The following SPRED2 variants were observed in gnomAD, a reference collection of about 807,000 sequenced individuals.
SPRED2 encodes sprouty related EVH1 domain containing 2, also known as sprouty-related, EVH1 domain-containing protein 2.
SPRED2 carries 47 observed loss-of-function variants against 43.0 expected under a neutral mutation model. That is an observed-to-expected ratio of 1.09 (90% CI 0.87 to 1.40). The LOEUF (loss-of-function observed/expected upper bound fraction) is 1.40. Among genes scored for constraint, SPRED2 ranks in the 40% most tolerant of loss-of-function variants. The pLI is 0.00. For missense variants in SPRED2, 561 were observed against 586.4 expected (o/e 0.96, Z 0.45); for synonymous variants, 225 against 225.7 (o/e 1.00, Z 0.03).
chr2:65,334,956 T>G (rs1021858779), intron 2 of SPRED2, among the ~76,000 whole-genome samples, 183 bp from the exon 3 acceptor site: 4 of 152,228 alleles, frequency 2.6e-5, no homozygotes, highest in Non-Finnish European at 5.9e-5. Flanking sequence ...GACCATCCGA[T>G]CTTCGCTGCT....
chr2:65,330,536 CCT>C (rs1673779060), intron 4 of SPRED2, among the ~76,000 whole-genome samples: 2 of 151,998 alleles, frequency 1.3e-5, no homozygotes, highest in African/African-American at 2.4e-5. Context: ...AGAGATTTCC[CCT>C]GTCCCCACAC....
chr2:65,334,038 GC>G, intron 3 of SPRED2: 1 of 341,284 alleles, frequency 2.9e-6, no homozygotes, highest in Middle Eastern at 9.1e-4. Context: ...CTCTAGTCAA[GC>G]CCACCATGAG....
Position 65,389,723 on chromosome 2 carries a change from A to G in SPRED2, c.26+42239T>C, listed in dbSNP as rs368505188. Among the ~76,000 whole-genome samples the G allele has an allele frequency of 5.1e-4, 77 of 152,340 alleles. No homozygotes were observed. The East Asian group carries it at 0.015, about 29-fold the overall frequency. On this transcript the variant is annotated intron_variant, in intron 1 of 5. Coordinates refer to ENST00000356388, the MANE Select transcript of SPRED2 (RefSeq NM_181784.3). ...CTCAGAAATTCTGACAAGTTCAGAC[A>G]ATAACTAAAGGTATTTCTTTTTGAT... is the stretch of plus-strand genomic sequence containing the variant.
intron 1 of SPRED2, among the ~76,000 whole-genome samples, chr2:65,357,863 G>A (rs1206983105): frequency 6.6e-6 from 1 of 152,154 alleles, no homozygotes; most frequent in Non-Finnish European, 1.5e-5. Flanking sequence ...TCACAACCGG[G>A]TGAGGCACCC....
intron 1 of SPRED2, among the ~76,000 whole-genome samples, chr2:65,354,522 T>C (rs956668580): frequency 3.3e-5 from 5 of 152,064 alleles, no homozygotes; most frequent in African/African-American, 1.2e-4. Context: ...AAAGAGTGAT[T>C]TGGCTAGATT....
At chr2:65,327,709 C>CTGTCT (rs1553416558) in intron 4 of SPRED2, among the ~76,000 whole-genome samples, 1 of 115,454 alleles carries the variant, frequency 8.7e-6, no homozygotes, top group Non-Finnish European at 1.8e-5. Context: ...TCTTTTCTTT[C>CTGTCT]TTTCTTTTTT....
intron 2 of SPRED2, among the ~76,000 whole-genome samples, chr2:65,341,511 C>A (rs1481660081): frequency 6.6e-6 from 1 of 152,102 alleles, no homozygotes; most frequent in Non-Finnish European, 1.5e-5. Flanking sequence ...AAGGGACAGG[C>A]TTTGATTTTG....
intron 2 of SPRED2, among the ~76,000 whole-genome samples, chr2:65,342,277 C>T (rs1404453386): frequency 8.3e-5 from 11 of 132,088 alleles, no homozygotes; most frequent in African/African-American, 2.4e-4. Flanking sequence ...ATTTTGTATA[C>T]GTATATTATG....
At chr2:65,336,875 G>A (rs1290507553) in intron 2 of SPRED2, among the ~76,000 whole-genome samples, 2 of 152,204 alleles carry the variant, frequency 1.3e-5, no homozygotes, top group African/African-American at 2.4e-5. Flanking sequence ...TTGGGAGGCC[G>A]AGGCGGGCGG....
intron 4 of SPRED2, among the ~76,000 whole-genome samples, chr2:65,319,771 T>C (rs1418281709): frequency 6.6e-6 from 1 of 152,126 alleles, no homozygotes; most frequent in Non-Finnish European, 1.5e-5. Flanking sequence ...GGCCAGCAGG[T>C]CACAGGTAAA....
chr2:65,327,921 A>G lies in SPRED2; in HGVS notation c.438+4066T>C, dbSNP rs567795435. Among the ~76,000 whole-genome samples the G allele has an allele frequency of 1.5e-4, 23 of 150,994 alleles. No homozygotes were observed. In the East Asian group the frequency reaches 3.9e-3, roughly 26 times the overall value. The stretch of plus-strand genomic sequence containing the variant: ...GTATTTTTAGTAGAGATGGGGTTTC[A>G]CCATGTTGGCCAGGCTGGTCTTGAA... On this transcript the variant is annotated intron_variant, in intron 4 of 5. Coordinates refer to ENST00000356388, the MANE Select transcript of SPRED2 (RefSeq NM_181784.3).
chr2:65,314,190 C>T, intron 5 of SPRED2, 21 bp from the exon 6 acceptor site: 1 of 1,546,706 alleles, frequency 6.5e-7, no homozygotes, highest in Non-Finnish European at 8.7e-7. Flanking sequence ...GGAGAGGAGA[C>T]ATTATTTTAC....
chr2:65,400,381 A>G (rs1293500599), intron 1 of SPRED2, among the ~76,000 whole-genome samples: 1 of 152,226 alleles, frequency 6.6e-6, no homozygotes, highest in Non-Finnish European at 1.5e-5. Flanking sequence ...TGTTTCATCC[A>G]CAAATAGGGC....
At chr2:65,394,107 G>T (rs1309705399) in intron 1 of SPRED2, among the ~76,000 whole-genome samples, 2 of 152,010 alleles carry the variant, frequency 1.3e-5, no homozygotes, top group African/African-American at 4.8e-5. Context: ...CTTTCCCTGT[G>T]CCCAGTGCAT....
intron 1 of SPRED2, chr2:65,378,063 T>A (rs896366682): frequency 9.4e-5 from 18 of 191,930 alleles, no homozygotes; most frequent in African/African-American, 4.2e-4. Flanking sequence ...AGAGAGCCCA[T>A]CCAGTAAACA....
chr2:65,360,100 C>CA (rs57801875), intron 1 of SPRED2, among the ~76,000 whole-genome samples: 92 of 103,228 alleles, frequency 8.9e-4, no homozygotes, highest in Admixed American at 5.9e-3. Context: ...AAAAAAAAAA[C>CA]AAAAAAAAAA....
chr2:65,386,922 C>T (rs1397929489), intron 1 of SPRED2, among the ~76,000 whole-genome samples: 1 of 151,632 alleles, frequency 6.6e-6, no homozygotes, highest in Non-Finnish European at 1.5e-5. Flanking sequence ...CCCAGCTTTC[C>T]CACCATACTT....
chr2:65,418,996 A>G (rs895374129), intron 1 of SPRED2, among the ~76,000 whole-genome samples: 3 of 152,194 alleles, frequency 2.0e-5, no homozygotes, highest in African/African-American at 7.2e-5. Context: ...TTATTATTCA[A>G]TCCCTTTATT....
At chr2:65,429,481 T>C (rs922252787) in intron 1 of SPRED2, among the ~76,000 whole-genome samples, 2 of 152,176 alleles carry the variant, frequency 1.3e-5, no homozygotes, top group African/African-American at 2.4e-5. Context: ...CAAACAATAA[T>C]TTTAGCTCTA....
Sources: allele counts gnomAD v4.1 joint callset (sites outside exome capture counted in the v4.1 genomes callset), GRCh38; gene constraint gnomAD v4.1.1; transcripts MANE v1.5; gene names NCBI Gene and HGNC (gene_info 2026-07-23, HGNC 2026-07-21).